Variants in ST3GAL3 observed in about 807,000 individuals in gnomAD.
ST3GAL3 encodes CMP-N-acetylneuraminate-beta-1,4-galactoside alpha-2,3-sialyltransferase.
Under a neutral mutation model 50.1 loss-of-function variants are expected in ST3GAL3, and 21 were observed. That is an observed-to-expected ratio of 0.42 (90% CI 0.30 to 0.60). The LOEUF is 0.60. Among genes scored for constraint, ST3GAL3 ranks in the 20% least tolerant of loss-of-function variants. The pLI is 0.19. For synonymous variants in ST3GAL3, 183 were observed against 190.0 expected (o/e 0.96, Z 0.30); for missense variants, 353 against 489.4 (o/e 0.72, Z 2.63).
chr1:43,746,497 C>CT (rs1558119323), intron 2 of ST3GAL3, among the ~76,000 whole-genome samples: 1 of 146,788 alleles, frequency 6.8e-6, no homozygotes. Context: ...GAGTCTCACT[C>CT]TGTCACCCAG....
intron 1 of ST3GAL3, among the ~76,000 whole-genome samples, chr1:43,717,229 A>G (rs78184352): frequency 0.013 from 2,022 of 152,312 alleles, 51 homozygotes; most frequent in African/African-American, 0.047. Flanking sequence ...GAGGGCAGGC[A>G]CCACTCCCTG....
chr1:43,902,100 A>G (rs1242583240), intron 9 of ST3GAL3, among the ~76,000 whole-genome samples: 1 of 152,130 alleles, frequency 6.6e-6, no homozygotes, highest in Non-Finnish European at 1.5e-5. Context: ...ACCCAGGAAA[A>G]TGTGAGAGGC....
chr1:43,823,392 A>T (rs957431060), intron 4 of ST3GAL3, among the ~76,000 whole-genome samples: 1 of 151,908 alleles, frequency 6.6e-6, no homozygotes, highest in East Asian at 1.9e-4. Flanking sequence ...GATATTCCAG[A>T]CCTGTTCCCG....
intron 5 of ST3GAL3, among the ~76,000 whole-genome samples, chr1:43,873,710 G>A (rs866330221): frequency 2.6e-5 from 4 of 152,076 alleles, no homozygotes; most frequent in South Asian, 2.1e-4. Context: ...TCTTGAACCC[G>A]GGAGGCAGAG....
intron 1 of ST3GAL3, among the ~76,000 whole-genome samples, chr1:43,733,692 C>T (rs537329689): frequency 1.3e-5 from 2 of 152,258 alleles, no homozygotes; most frequent in Non-Finnish European, 2.9e-5. Flanking sequence ...CCTTCTTGGG[C>T]CTGAACTCTT....
chr1:43,711,364 A>G (rs983352414), intron 1 of ST3GAL3, among the ~76,000 whole-genome samples: 1 of 152,270 alleles, frequency 6.6e-6, no homozygotes, highest in Admixed American at 6.5e-5. Context: ...CTGTCCCACT[A>G]TGGCACATGC....
intron 5 of ST3GAL3, chr1:43,858,392 CA>C (rs2069042076): frequency 8.7e-7 from 1 of 1,152,144 alleles, no homozygotes; most frequent in African/African-American, 1.6e-5. Context: ...AGCCTAGGAG[CA>C]GGAACTGTAG....
intron 3 of ST3GAL3, among the ~76,000 whole-genome samples, chr1:43,798,586 G>A (rs1558345000): frequency 6.6e-6 from 1 of 152,110 alleles, no homozygotes; most frequent in Non-Finnish European, 1.5e-5. Flanking sequence ...TTGCGTTGCT[G>A]TCTTCAGGCC....
intron 2 of ST3GAL3, among the ~76,000 whole-genome samples, chr1:43,756,453 A>G (rs985960208): frequency 6.6e-6 from 1 of 152,204 alleles, no homozygotes. Context: ...GCAGTTTATT[A>G]TATGTAAATT....
intron 5 of ST3GAL3, among the ~76,000 whole-genome samples, chr1:43,856,409 G>A (rs1281280563): frequency 1.3e-5 from 2 of 152,156 alleles, no homozygotes; most frequent in Non-Finnish European, 2.9e-5. Context: ...ACAGAGCCAG[G>A]AATCAAACCC....
At chr1:43,756,116 A>AAAAAAAAAAAAAAAAAAAAAAAAAAAG (rs763780680) in intron 2 of ST3GAL3, among the ~76,000 whole-genome samples, 1 of 136,798 alleles carries the variant, frequency 7.3e-6, no homozygotes. Flanking sequence ...AAAAAAAAAA[A>AAAAAAAAAAAAAAAAAAAAAAAAAAAG]AAGAAGAAGA....
At chr1:43,867,185 G>T (rs776159426) in intron 5 of ST3GAL3, among the ~76,000 whole-genome samples, 3 of 152,048 alleles carry the variant, frequency 2.0e-5, no homozygotes, top group Non-Finnish European at 4.4e-5. Context: ...TGAGAATAGC[G>T]CAGGAAAGAC....
At chr1:43,804,809 G>C (rs1243869974) in intron 3 of ST3GAL3, among the ~76,000 whole-genome samples, 3 of 152,200 alleles carry the variant, frequency 2.0e-5, no homozygotes, top group Non-Finnish European at 4.4e-5. Flanking sequence ...GAAGATGGCA[G>C]GCGAGGGAGA....
chr1:43,790,897 A>G (rs902943151), intron 2 of ST3GAL3, among the ~76,000 whole-genome samples: 2 of 151,970 alleles, frequency 1.3e-5, no homozygotes, highest in South Asian at 2.1e-4. Context: ...CAGCCTCCCA[A>G]AGTGCTGGGA....
chr1:43,825,587 TG>T (rs2062687025), intron 4 of ST3GAL3, among the ~76,000 whole-genome samples: 1 of 152,232 alleles, frequency 6.6e-6, no homozygotes, highest in Non-Finnish European at 1.5e-5. Flanking sequence ...GGGTGGAACT[TG>T]AGAAGTCTGG....
At chr1:43,728,812 CTT>C (rs926867861) in intron 1 of ST3GAL3, among the ~76,000 whole-genome samples, 6 of 152,218 alleles carry the variant, frequency 3.9e-5, no homozygotes, top group African/African-American at 9.6e-5. Context: ...ATTTTTATGT[CTT>C]TGTATATATA....
At chr1:43,912,346 G>A (rs1044436030) in intron 9 of ST3GAL3, 1 of 152,146 alleles carries the variant, frequency 6.6e-6, no homozygotes, top group Non-Finnish European at 1.5e-5. Flanking sequence ...ATGAGACTTA[G>A]AAGAGTAAAG....
chr1:43,914,261 C>T (rs1025797475), intron 9 of ST3GAL3: 3 of 152,222 alleles, frequency 2.0e-5, no homozygotes, highest in Non-Finnish European at 2.9e-5. Context: ...TCAAACGCAG[C>T]TCAGATTCTC....
At chr1:43,811,962 G>A (rs772733378) in intron 3 of ST3GAL3, among the ~76,000 whole-genome samples, 1 of 152,182 alleles carries the variant, frequency 6.6e-6, no homozygotes, top group Non-Finnish European at 1.5e-5. Flanking sequence ...TTGAAAATCC[G>A]CATCTTAGTC....
Sources: allele counts gnomAD v4.1 joint callset (sites outside exome capture counted in the v4.1 genomes callset), GRCh38; gene constraint gnomAD v4.1.1; transcripts MANE v1.5; gene names NCBI Gene and HGNC (gene_info 2026-07-23, HGNC 2026-07-21).